Variants in CDKL4 observed in about 807,000 individuals in gnomAD.
CDKL4 encodes the protein cyclin dependent kinase like 4.
CDKL4 carries 44 observed loss-of-function variants against 42.0 expected under a neutral mutation model. The ratio of observed to expected loss-of-function variants is 1.05; its 90% CI spans 0.82 to 1.35. The LOEUF is 1.35. Among genes scored for constraint, CDKL4 ranks in the 40% most tolerant of loss-of-function variants. CDKL4 has a pLI of 0.00. For synonymous variants in CDKL4, 120 were observed against 121.6 expected, an observed-to-expected ratio of 0.99 and a Z score of 0.09; for missense variants, 393 against 369.9, an observed-to-expected ratio of 1.06 and a Z score of -0.51.
chr2:39,207,361 T>C (rs1187341137), intron 4 of CDKL4, among the ~76,000 whole-genome samples: 1 of 152,096 alleles, frequency 6.6e-6, no homozygotes, highest in Non-Finnish European at 1.5e-5. Flanking sequence ...CTCTAGCCTA[T>C]GTGACAGAGT....
chr2:39,218,812 G>C (rs776941401), intron 3 of CDKL4, among the ~76,000 whole-genome samples: 4 of 152,208 alleles, frequency 2.6e-5, no homozygotes, highest in Non-Finnish European at 4.4e-5. Flanking sequence ...TTAGACCATC[G>C]GCTTTCCTGG....
upstream of CDKL4, among the ~76,000 whole-genome samples, chr2:39,244,755 G>A (rs1457663810): frequency 6.6e-6 from 1 of 152,220 alleles, no homozygotes; most frequent in Non-Finnish European, 1.5e-5. Flanking sequence ...TGGTGGGGAC[G>A]TGGAGAACAT....
At chr2:39,197,740 G>A (rs1676604145) in intron 5 of CDKL4, among the ~76,000 whole-genome samples, 2 of 152,114 alleles carry the variant, frequency 1.3e-5, no homozygotes, top group Admixed American at 6.5e-5. Flanking sequence ...GTGAAACTAA[G>A]CTTCATAAAT....
intron 1 of CDKL4, among the ~76,000 whole-genome samples, chr2:39,241,745 C>T (rs1236968672): frequency 6.6e-6 from 1 of 152,174 alleles, no homozygotes; most frequent in Non-Finnish European, 1.5e-5. Context: ...CAGGTTCTTT[C>T]TCTGCTCGCA....
intron 3 of CDKL4, among the ~76,000 whole-genome samples, chr2:39,220,587 T>A (rs567037490): frequency 5.5e-5 from 8 of 146,436 alleles, no homozygotes; most frequent in African/African-American, 2.1e-4. Context: ...GAGATTCTGG[T>A]TTTTTTTTTC....
upstream of CDKL4, among the ~76,000 whole-genome samples, chr2:39,244,512 C>T (rs923987062): frequency 1.8e-4 from 28 of 152,360 alleles, no homozygotes; most frequent in African/African-American, 6.5e-4. Flanking sequence ...TGCCTTCCTG[C>T]GGGGCAGGGC....
intron 5 of CDKL4, among the ~76,000 whole-genome samples, chr2:39,201,072 A>C (rs9808383): frequency 1.3e-5 from 2 of 152,224 alleles, no homozygotes; most frequent in Admixed American, 1.3e-4. Context: ...TATACATCCA[A>C]CAGAGGACTA....
rs61744520 is a variant in CDKL4, at chr2:39,225,858, G to A, written c.271C>T (p.Leu91=). 2,850 of 1,602,248 alleles carry A rather than the reference G, an allele frequency of 1.8e-3. 26 individuals carry two copies. The highest frequency in any genetic ancestry group is 0.018 in the African/African-American group (1,302 of 74,168). ...ACTTACCCATTTGGGTTTCTTTCCA[G>A]CTCATTTAAAAGTGTATGATCACAG... Residue 91 remains leucine (L), a synonymous_variant, in exon 3 of 10, where the codon CTG becomes TTG. Transcript: ENST00000451199.
At position 39,229,433 on chromosome 2, in the gene CDKL4, T is replaced by A. The variant is rs997179174; in HGVS notation, c.100A>T (p.Lys34Ter). The A allele has an allele frequency of 2.5e-5, 41 of 1,613,296 alleles. No homozygotes were observed. Among genetic ancestry groups the A allele is most frequent in the Non-Finnish European group, 3.4e-5 (40 of 1,179,702 alleles). ...GGATCATCTTCAGATTCCACAAATT[T>A]TTTAACAGCTACTACTTGTCCAGAG... Residue 34 changes from lysine to a stop codon, truncating the protein, a stop_gained, in exon 2 of 10, where the codon AAA becomes TAA. Coordinates refer to ENST00000451199, the Ensembl canonical transcript of CDKL4. LOFTEE classifies it high-confidence loss of function.
the CDKL4 span, among the ~76,000 whole-genome samples, chr2:39,170,401 T>C: frequency 3.9e-5 from 6 of 152,020 alleles, no homozygotes; most frequent in African/African-American, 1.5e-4. Context: ...CCTAAAAATC[T>C]GTATCTTTGT....
intron 5 of CDKL4, among the ~76,000 whole-genome samples, chr2:39,202,955 G>A (rs570497721): frequency 8.1e-4 from 124 of 152,284 alleles, no homozygotes; most frequent in Non-Finnish European, 1.5e-3. Flanking sequence ...TAACAAGTTG[G>A]CAGTGTCTTG....
In CDKL4 at chr2:39,212,220, T is replaced by TA. The variant is rs568398463; in HGVS notation, c.363+1179dup. On this transcript the variant is annotated intron_variant, in intron 4 of 9. Coordinates refer to ENST00000451199, the Ensembl canonical transcript of CDKL4. ...TGCTCAAGCTTGAGAACTACGGCTA[T>TA]AAAAAATTAATGAATTTTTTTTTTT... Among the ~76,000 whole-genome samples the TA allele has an allele frequency of 2.7e-3, 406 of 151,730 alleles. 2 individuals carry two copies. Among genetic ancestry groups the TA allele is most frequent in the African/African-American group, 9.3e-3 (383 of 41,264 alleles).
intron 3 of CDKL4, among the ~76,000 whole-genome samples, chr2:39,214,309 C>A (rs1486748631): frequency 6.6e-6 from 1 of 152,174 alleles, no homozygotes; most frequent in Non-Finnish European, 1.5e-5. Flanking sequence ...CATGAAGTCT[C>A]TCTGACACCT....
intron 3 of CDKL4, among the ~76,000 whole-genome samples, chr2:39,224,859 G>A (rs995799614): frequency 1.3e-5 from 2 of 152,072 alleles, no homozygotes; most frequent in Admixed American, 6.6e-5. Context: ...GGAATCTGTC[G>A]TGTTATAGGG....
At chr2:39,229,321 C>A in intron 2 of CDKL4, 44 bp downstream of exon 2, 1 of 1,345,084 alleles carries the variant, frequency 7.4e-7, no homozygotes. Context: ...ATGCATATTT[C>A]ACTCAATTCC....
intron 6 of CDKL4, among the ~76,000 whole-genome samples, chr2:39,188,918 ATT>A (rs1291837857): frequency 6.6e-6 from 1 of 152,148 alleles, no homozygotes; most frequent in Non-Finnish European, 1.5e-5. Context: ...AGTAGTTGCT[ATT>A]TTAAATCCCC....
chr2:39,182,877 T>G (rs1157566426), intron 8 of CDKL4, among the ~76,000 whole-genome samples: 1 of 152,224 alleles, frequency 6.6e-6, no homozygotes, highest in Non-Finnish European at 1.5e-5. Flanking sequence ...ACCACTCTCC[T>G]TGACTCTGCC....
At chr2:39,224,911 T>C (rs1014587352) in intron 3 of CDKL4, among the ~76,000 whole-genome samples, 5 of 152,170 alleles carry the variant, frequency 3.3e-5, no homozygotes, top group Admixed American at 6.6e-5. Context: ...ACTCTTTAGG[T>C]GGTTCTCTTA....
At position 39,212,609 on chromosome 2, in the gene CDKL4, A is replaced by G. The variant is rs552535999; in HGVS notation, c.363+791T>C. ...TAAAGGACTTAAGAGACTTAAAAAT[A>G]ATAGTTAAAAAAAAAAGTACCATGG... On this transcript the variant is annotated intron_variant, in intron 4 of 9. Coordinates refer to ENST00000451199, the Ensembl canonical transcript of CDKL4. 7.2e-5 allele frequency among the ~76,000 whole-genome samples: 11 copies of G among 152,162 alleles called. No individual in the cohort carries two copies. In the East Asian group the frequency reaches 2.1e-3, roughly 30 times the overall value.
Sources: allele counts gnomAD v4.1 joint callset (sites outside exome capture counted in the v4.1 genomes callset), GRCh38; gene constraint gnomAD v4.1.1; transcripts MANE v1.5; gene names NCBI Gene and HGNC (gene_info 2026-07-23, HGNC 2026-07-21).